Variants in CRY1 observed in about 807,000 individuals in gnomAD.
CRY1 encodes cryptochrome-1.
A neutral mutation model predicts 76.0 loss-of-function variants in CRY1; 45 were observed. The ratio of observed to expected loss-of-function variants is 0.59; its 90% CI spans 0.47 to 0.76. CRY1 has a LOEUF of 0.76. CRY1 is among the 30% of genes least tolerant of loss of function. The pLI is 0.00. For synonymous variants in CRY1, 248 were observed against 244.0 expected, an observed-to-expected ratio of 1.02 and a Z score of -0.15; for missense variants, 587 against 716.4, an observed-to-expected ratio of 0.82 and a Z score of 2.06.
intron 1 of CRY1, among the ~76,000 whole-genome samples, chr12:107,058,704 T>C (rs1017470991): frequency 1.3e-5 from 2 of 152,206 alleles, no homozygotes; most frequent in African/African-American, 2.4e-5. Context: ...GCAAAGTAAA[T>C]GATGCTTTTT....
At chr12:107,071,329 GCATCTATGGAAGTGAT>G (rs1277014554) in intron 1 of CRY1, among the ~76,000 whole-genome samples, 1 of 152,066 alleles carries the variant, frequency 6.6e-6, no homozygotes, top group Non-Finnish European at 1.5e-5. Flanking sequence ...AGTATTTTCA[GCATCTATGGAAGTGAT>G]CATATAATTA....
intron 1 of CRY1, among the ~76,000 whole-genome samples, chr12:107,036,018 T>C (rs1952728984): frequency 6.6e-6 from 1 of 152,192 alleles, no homozygotes; most frequent in Admixed American, 6.5e-5. Flanking sequence ...CAGCTCCAGC[T>C]AGTTATCTTC....
rs192406930 is a variant in CRY1 at position 107,040,254 on chromosome 12, G to C, written c.159-18062C>G. Reference sequence around the variant, plus strand: ...CAGGTATACAGTGTCAGTTATGAGAGATGAATACTTTCTTTCCTTTTTTTT... The same window carrying C: ...CAGGTATACAGTGTCAGTTATGAGACATGAATACTTTCTTTCCTTTTTTTT... On this transcript the variant is annotated intron_variant, in intron 1 of 12. Coordinates refer to ENST00000008527, the MANE Select transcript of CRY1 (RefSeq NM_004075.5). 3.4e-3 allele frequency among the ~76,000 whole-genome samples: 504 copies of C among 149,892 alleles called. 3 individuals carry two copies. The highest frequency in any genetic ancestry group is 0.011 in the African/African-American group (457 of 40,862).
At chr12:107,006,931 A>T (rs1391916049) in intron 2 of CRY1, among the ~76,000 whole-genome samples, 1 of 152,192 alleles carries the variant, frequency 6.6e-6, no homozygotes, top group Non-Finnish European at 1.5e-5. Context: ...GGCGTGAGCC[A>T]CCATGCCCAG....
At chr12:107,070,750 G>C (rs1011370358) in intron 1 of CRY1, among the ~76,000 whole-genome samples, 4 of 151,188 alleles carry the variant, frequency 2.6e-5, no homozygotes, top group African/African-American at 9.7e-5. Context: ...GCCCAGGCTG[G>C]AGTGTAGTGG....
chr12:107,055,511 G>C (rs1952972107), intron 1 of CRY1, among the ~76,000 whole-genome samples: 1 of 152,030 alleles, frequency 6.6e-6, no homozygotes, highest in Non-Finnish European at 1.5e-5. Flanking sequence ...AGGCTAAATA[G>C]GGTATTCAAT....
intron 1 of CRY1, among the ~76,000 whole-genome samples, chr12:107,023,912 T>C (rs1005996582): frequency 7.9e-5 from 12 of 152,210 alleles, no homozygotes; most frequent in Admixed American, 7.2e-4. Context: ...TTAATAAAAT[T>C]ATCTCCAACT....
intron 5 of CRY1, among the ~76,000 whole-genome samples, chr12:107,000,660 T>C (rs1413084860): frequency 6.6e-6 from 1 of 150,796 alleles, no homozygotes; most frequent in African/African-American, 2.4e-5. Context: ...AATTTATTTA[T>C]TTATTTTGAG....
chr12:107,021,460 C>G lies in CRY1; in HGVS notation c.267+624G>C, dbSNP rs150104311. On this transcript the variant is annotated intron_variant, in intron 2 of 12. Transcript: ENST00000008527. Reference sequence around the variant, plus strand: ...ACTGGCATTTATACTAGCAAAAGGCCTACAGAGAAAATAATTAAACGTTCA... The same window carrying G: ...ACTGGCATTTATACTAGCAAAAGGCGTACAGAGAAAATAATTAAACGTTCA... 4.3e-3 allele frequency among the ~76,000 whole-genome samples: 659 copies of G among 152,040 alleles called. 2 individuals are homozygous for G. The highest frequency in any genetic ancestry group is 0.015 in the African/African-American group (632 of 41,448).
At chr12:107,004,855 T>C (rs1390866888) in intron 3 of CRY1, among the ~76,000 whole-genome samples, 1 of 152,170 alleles carries the variant, frequency 6.6e-6, no homozygotes. Flanking sequence ...TAATCCATAA[T>C]AGTTTTGAAA....
At chr12:107,063,529 A>G (rs1953074212) in intron 1 of CRY1, among the ~76,000 whole-genome samples, 3 of 152,160 alleles carry the variant, frequency 2.0e-5, no homozygotes. Context: ...TAGGGGGCAA[A>G]TATGTTACAG....
In CRY1 at chr12:106,997,652, T is replaced by A; in HGVS notation, c.1328A>T (p.Tyr443Phe). 6.2e-7 allele frequency: 1 copy of A among 1,614,122 alleles called. No individual in the cohort carries two copies. The highest frequency in any genetic ancestry group is 1.6e-4 in the Middle Eastern group (1 of 6,062). ...TGGTGCATTCCAGGGATCATAGATA[T>A]ATTTTGCAGGGAAGCCTCTTAGGAC... ...LPVLRGFPAK[Y>F]IYDPWNAPEG... Residue 443 changes from tyrosine to phenylalanine, a missense_variant, in exon 9 of 13, where the codon TAT becomes TTT. Coordinates refer to ENST00000008527, the MANE Select transcript of CRY1 (RefSeq NM_004075.5).
intron 1 of CRY1, among the ~76,000 whole-genome samples, chr12:107,080,687 G>A (rs1953311730): frequency 6.6e-6 from 1 of 152,028 alleles, no homozygotes; most frequent in Admixed American, 6.6e-5. Context: ...AAAAGTCAGG[G>A]AATGGGCAGA....
chr12:106,999,691 C>G lies in CRY1; in HGVS notation c.997G>C (p.Gly333Arg). Reference sequence around the variant, plus strand: ...TCAATCCATGGAAAGCCTGTCCGGCCTTCCGCCCATTTGGCTAAAGCCTCA... The same window carrying G: ...TCAATCCATGGAAAGCCTGTCCGGCGTTCCGCCCATTTGGCTAAAGCCTCA... The part of the protein sequence containing the change: ...NPEALAKWAE[G>R]RTGFPWIDAI... The change falls in exon 7 of 13, where the codon GGC becomes CGC. Residue 333 changes from glycine (G) to arginine (R), a missense_variant. Coordinates refer to ENST00000008527, the MANE Select transcript of CRY1 (RefSeq NM_004075.5). 1 of 1,614,252 alleles carries G rather than the reference C, an allele frequency of 6.2e-7. No homozygotes were observed. Among genetic ancestry groups the G allele is most frequent in the Admixed American group, 1.7e-5 (1 of 60,030 alleles).
chr12:107,027,650 C>T (rs1018079783), intron 1 of CRY1, among the ~76,000 whole-genome samples: 1 of 152,098 alleles, frequency 6.6e-6, no homozygotes, highest in African/African-American at 2.4e-5. Context: ...CTATCTATTG[C>T]TGTTATTTTA....
At chr12:107,071,347 A>C (rs1314791038) in intron 1 of CRY1, among the ~76,000 whole-genome samples, 1 of 152,228 alleles carries the variant, frequency 6.6e-6, no homozygotes, top group African/African-American at 2.4e-5. Context: ...GGAAGTGATC[A>C]TATAATTATA....
chr12:106,998,542 C>T (rs1260378203), intron 7 of CRY1, among the ~76,000 whole-genome samples: 3 of 151,852 alleles, frequency 2.0e-5, no homozygotes, highest in African/African-American at 4.8e-5. Context: ...AGTTTAATTT[C>T]GAATTCCTTG....
intron 1 of CRY1, among the ~76,000 whole-genome samples, chr12:107,044,300 A>G (rs181064584): frequency 3.0e-4 from 46 of 152,262 alleles, no homozygotes; most frequent in Non-Finnish European, 3.4e-4. Flanking sequence ...AGAATAGAAG[A>G]ATCCCAAAAA....
In CRY1 at chr12:106,991,443, C is replaced by T. The variant is rs1015349828; in HGVS notation, c.*559G>A. ...AGAAACAGAGACAGAGAACTTAACA[C>T]ATGATACTTCCACAAGTTTGGGTCT... is the stretch of plus-strand genomic sequence containing the variant. On this transcript the variant is annotated 3_prime_UTR_variant, in exon 13 of 13. Coordinates refer to ENST00000008527, the MANE Select transcript of CRY1 (RefSeq NM_004075.5). The T allele has an allele frequency of 1.3e-5, 2 of 152,532 alleles. No homozygotes were observed. Among genetic ancestry groups the T allele is most frequent in the South Asian group, 4.1e-4 (2 of 4,824 alleles). 9.4% of individuals were successfully genotyped at this position (152,532 alleles called of 1,614,324 possible).
Sources: allele counts gnomAD v4.1 joint callset (sites outside exome capture counted in the v4.1 genomes callset), GRCh38; gene constraint gnomAD v4.1.1; transcripts MANE v1.5; gene names NCBI Gene and HGNC (gene_info 2026-07-23, HGNC 2026-07-21).